Variants in ANK3 observed in about 807,000 individuals in gnomAD.
ANK3 encodes ankyrin 3, also known as ankyrin-3.
Under a neutral mutation model 370.9 loss-of-function variants are expected in ANK3, and 57 were observed. The observed-to-expected ratio is 0.15, with a 90% CI of 0.12 to 0.19. The LOEUF (loss-of-function observed/expected upper bound fraction) is 0.19. ANK3 is among the 10% of genes least tolerant of loss of function. The pLI, the probability that ANK3 is intolerant of heterozygous loss-of-function variation, is 1.00. For synonymous variants in ANK3, 1,929 were observed against 1,946.3 expected (o/e 0.99, Z 0.23); for missense variants, 4,439 against 5,302.1 (o/e 0.84, Z 5.06).
intron 2 of ANK3, among the ~76,000 whole-genome samples, chr10:60,509,833 C>T (rs752971087): frequency 6.6e-6 from 1 of 152,074 alleles, no homozygotes; most frequent in Non-Finnish European, 1.5e-5. Flanking sequence ...ACCAGTCCCA[C>T]TAAAGTTTCT....
intron 1 of ANK3, among the ~76,000 whole-genome samples, chr10:60,707,837 C>T (rs2079641610): frequency 6.6e-6 from 1 of 151,616 alleles, no homozygotes; most frequent in Admixed American, 6.6e-5. Context: ...AGGTCCTTGT[C>T]ACAGAACCAC....
chr10:60,184,398 G>A (rs940723717), intron 17 of ANK3, among the ~76,000 whole-genome samples: 1 of 152,168 alleles, frequency 6.6e-6, no homozygotes, highest in Admixed American at 6.5e-5. Flanking sequence ...AAACGACAAC[G>A]GAGAAAGGAT....
At chr10:60,164,156 C>A (rs2132288391) in intron 23 of ANK3, among the ~76,000 whole-genome samples, 1 of 152,220 alleles carries the variant, frequency 6.6e-6, no homozygotes, top group South Asian at 2.1e-4. Flanking sequence ...GTTAGAAATG[C>A]TAATTTATGC....
In ANK3 at chr10:60,123,769, T is replaced by C. The variant is rs933693628; in HGVS notation, c.2842-9438A>G. On this transcript the variant is annotated intron_variant, in intron 25 of 43. Transcript: ENST00000280772. ...CACTCAGTGCAACAATTCTGGGAGA[T>C]TGTAAATACAATTTAGTTTAGTAAC... 3.3e-5 allele frequency among the ~76,000 whole-genome samples: 5 copies of C among 152,274 alleles called. No homozygotes were observed. In the East Asian group the frequency reaches 7.7e-4, roughly 24 times the overall value.
chr10:60,273,949 A>G (rs2098043241), intron 4 of ANK3, among the ~76,000 whole-genome samples: 1 of 152,186 alleles, frequency 6.6e-6, no homozygotes, highest in South Asian at 2.1e-4. Context: ...TAAATTACCC[A>G]GTCTTGGGTA....
intron 1 of ANK3, among the ~76,000 whole-genome samples, chr10:60,646,295 C>G (rs984534020): frequency 2.0e-5 from 3 of 152,092 alleles, no homozygotes; most frequent in African/African-American, 7.2e-5. Context: ...TTCTTAAGAG[C>G]AATGAAGAAA....
chr10:60,091,824 G>A (rs1053977299), intron 28 of ANK3, among the ~76,000 whole-genome samples: 1 of 150,846 alleles, frequency 6.6e-6, no homozygotes, highest in Non-Finnish European at 1.5e-5. Context: ...TCTGCCTCCC[G>A]GGTTCAAGCA....
intron 18 of ANK3, among the ~76,000 whole-genome samples, chr10:60,177,593 C>CTTTTTTTTTTTTTTTTTTTT (rs771714886): frequency 3.8e-5 from 4 of 106,252 alleles, no homozygotes; most frequent in Non-Finnish European, 5.4e-5. Context: ...GTCTTCAAAT[C>CTTTTTTTTTTTTTTTTTTTT]TTTTTTTTTT....
chr10:60,227,065 G>A (rs562533079), intron 8 of ANK3, among the ~76,000 whole-genome samples: 1 of 151,890 alleles, frequency 6.6e-6, no homozygotes, highest in South Asian at 2.1e-4. Context: ...AATTTCTTCA[G>A]TATTTTAGTT....
chr10:60,072,261 G>T lies in ANK3; in HGVS notation c.8620C>A (p.Leu2874Ile), dbSNP rs1278563360. The T allele has an allele frequency of 1.9e-6, 3 of 1,614,074 alleles. No homozygotes were observed. In the Admixed American group the frequency reaches 5.0e-5, roughly 27 times the overall value. ...TGATTCTCTCTTACATCATGAACAA[G>T]TACATGCGAAAGTTTTTCTTTCTGA... ...KSQKEKLSHVLVHDVRENHIG... is the reference protein window; with the variant it reads ...KSQKEKLSHVIVHDVRENHIG... The change falls in exon 37 of 44, where the codon CTT becomes ATT. Residue 2874 changes from leucine to isoleucine, a missense_variant. Physicochemically the swap from Leu to Ile is conservative, Grantham distance 5 (BLOSUM62 2). Transcript: ENST00000280772.
intron 1 of ANK3, among the ~76,000 whole-genome samples, chr10:60,366,716 G>A (rs1432955831): frequency 2.0e-5 from 3 of 152,088 alleles, no homozygotes; most frequent in Non-Finnish European, 4.4e-5. Context: ...AACTGACCTT[G>A]AGCAAGTAGT....
At chr10:60,525,468 A>G (rs895279125) in intron 2 of ANK3, among the ~76,000 whole-genome samples, 12 of 152,132 alleles carry the variant, frequency 7.9e-5, no homozygotes, top group Admixed American at 7.9e-4. Flanking sequence ...TTTTGAAAGA[A>G]AGAGAACACG....
intron 1 of ANK3, among the ~76,000 whole-genome samples, chr10:60,303,275 T>C (rs2044238278): frequency 6.6e-6 from 1 of 152,128 alleles, no homozygotes; most frequent in Non-Finnish European, 1.5e-5. Context: ...ACCAGCAACT[T>C]AGGATTCAGA....
rs114170018 is a variant in ANK3, at chr10:60,635,352, G to A, written c.58-20128C>T. On this transcript the variant is annotated intron_variant, in intron 1 of 43. Coordinates refer to the ANK3 transcript ENST00000373827. Reference sequence around the variant, plus strand: ...ACTCATGTAATTAGAGTCCCAGCCCGGCATGAATCTTATTAGAAGCAGTTA... The same window carrying A: ...ACTCATGTAATTAGAGTCCCAGCCCAGCATGAATCTTATTAGAAGCAGTTA... 3.6e-3 allele frequency among the ~76,000 whole-genome samples: 545 copies of A among 151,922 alleles called. 3 individuals are homozygous for A. The highest frequency in any genetic ancestry group is 9.5e-3 in the African/African-American group (392 of 41,430).
At position 60,540,241 on chromosome 10, in the gene ANK3, A is replaced by G. The variant is rs72822803; in HGVS notation, c.96+74945T>C. ...GCTTGTTTCCACTTGATGGGTCGAG[A>G]TAATTGATCATCCAAAAAATGAATG... On this transcript the variant is annotated intron_variant, in intron 2 of 43. Transcript: ENST00000373827. Among the ~76,000 whole-genome samples the G allele has an allele frequency of 5.7e-3, 863 of 151,854 alleles. 4 individuals are homozygous for G. The highest frequency in any genetic ancestry group is 0.01 in the Middle Eastern group (3 of 294).
chr10:60,302,312 G>T (rs2043989458), intron 1 of ANK3, among the ~76,000 whole-genome samples: 2 of 151,898 alleles, frequency 1.3e-5, no homozygotes, highest in South Asian at 2.1e-4. Context: ...AGATGGGGAG[G>T]ATTTTATACA....
intron 2 of ANK3, among the ~76,000 whole-genome samples, chr10:60,497,498 G>A (rs2133134714): frequency 6.6e-6 from 1 of 152,250 alleles, no homozygotes; most frequent in East Asian, 1.9e-4. Context: ...GAGTTTGTGA[G>A]ATAAGCCATA....
At chr10:60,330,518 A>T (rs1465396808) in intron 1 of ANK3, among the ~76,000 whole-genome samples, 1 of 152,268 alleles carries the variant, frequency 6.6e-6, no homozygotes, top group Non-Finnish European at 1.5e-5. Context: ...AACATGAAAA[A>T]AAAGCTCATC....
intron 2 of ANK3, among the ~76,000 whole-genome samples, chr10:60,427,390 A>G (rs1391603618): frequency 1.3e-5 from 2 of 152,114 alleles, no homozygotes; most frequent in Non-Finnish European, 2.9e-5. Flanking sequence ...CACAGTCAAA[A>G]TAGAGTAAAC....
Sources: allele counts gnomAD v4.1 joint callset (sites outside exome capture counted in the v4.1 genomes callset), GRCh38; gene constraint gnomAD v4.1.1; transcripts MANE v1.5; gene names NCBI Gene and HGNC (gene_info 2026-07-23, HGNC 2026-07-21).